NECAB2: variants seen among roughly 807,000 people sequenced by gnomAD.
The protein encoded by NECAB2 is N-terminal EF-hand calcium binding protein 2.
A neutral mutation model predicts 51.9 loss-of-function variants in NECAB2; 68 were observed. The observed-to-expected ratio is 1.31, with a 90% CI of 1.08 to 1.60. The LOEUF (loss-of-function observed/expected upper bound fraction) is 1.60, where lower values mean the gene tolerates loss of function less well. Ranked by LOEUF, NECAB2 falls within the 40% of genes most tolerant of loss-of-function variation. The pLI is 0.00. For missense variants in NECAB2, 854 were observed against 490.3 expected (o/e 1.74, Z -7.00); for synonymous variants, 329 against 203.5 (o/e 1.62, Z -5.25).
At chr16:83,990,464 C>A in intron 5 of NECAB2, 30 bp from the exon 6 acceptor site, 1 of 1,611,144 alleles carries the variant, frequency 6.2e-7, no homozygotes, top group Non-Finnish European at 8.5e-7. Flanking sequence ...CACCCCTTTC[C>A]CCTCAGTGCC....
chr16:83,965,260 C>G (rs201120754), upstream of NECAB2: 350 of 1,610,436 alleles, frequency 2.2e-4, no homozygotes, highest in Non-Finnish European at 2.8e-4. Flanking sequence ...TGACCAGGAA[C>G]CAGGCCCAGC....
rs557637259 is a variant in NECAB2 at position 84,002,725 on chromosome 16, G to T, written c.*379G>T. Reference sequence around the variant, plus strand: ...TCATGCCCCTGTAGTGCCCAACCTAGCCAGGTAGCCACCACTGTGCCCAGG... The same window carrying T: ...TCATGCCCCTGTAGTGCCCAACCTATCCAGGTAGCCACCACTGTGCCCAGG... On this transcript the variant is annotated 3_prime_UTR_variant, in exon 13 of 13. Transcript: ENST00000305202. 7.7e-5 allele frequency: 18 copies of T among 233,588 alleles called. No homozygotes were observed. The highest frequency in any genetic ancestry group is 4.6e-4 in the East Asian group (5 of 10,792). The allele number at this position is 233,588 out of a possible 1,614,324, so 14.5% of individuals were successfully genotyped here.
intron 6 of NECAB2, among the ~76,000 whole-genome samples, chr16:83,991,016 C>A (rs113610728): frequency 6.6e-6 from 1 of 152,078 alleles, no homozygotes; most frequent in Non-Finnish European, 1.5e-5. Flanking sequence ...CAAAAAGTGT[C>A]GCTCTGTCGC....
intron 5 of NECAB2, among the ~76,000 whole-genome samples, chr16:83,989,775 G>A (rs1402421051): frequency 2.0e-5 from 3 of 152,184 alleles, no homozygotes; most frequent in Admixed American, 6.5e-5. Flanking sequence ...CAGGACAGAG[G>A]TGGAAATTCT....
chr16:83,975,197 T>G (rs2084394929), intron 2 of NECAB2, among the ~76,000 whole-genome samples: 1 of 115,268 alleles, frequency 8.7e-6, no homozygotes, highest in African/African-American at 3.6e-5. Context: ...CAGGGAGGTG[T>G]TGGTGCGGGG....
intron 3 of NECAB2, 28 bp from the exon 4 acceptor site, chr16:83,980,811 C>T: frequency 1.9e-6 from 3 of 1,562,948 alleles, no homozygotes; most frequent in South Asian, 1.2e-5. Flanking sequence ...CTGTCTCTGT[C>T]TGTCTCTGCC....
At chr16:83,974,385 C>A (rs187139510) in intron 2 of NECAB2, among the ~76,000 whole-genome samples, 1 of 152,302 alleles carries the variant, frequency 6.6e-6, no homozygotes, top group East Asian at 1.9e-4. Flanking sequence ...CCTGGCTTCG[C>A]TCATTGAAGA....
intron 2 of NECAB2, among the ~76,000 whole-genome samples, chr16:83,974,627 G>T (rs901937948): frequency 2.6e-5 from 4 of 152,194 alleles, no homozygotes; most frequent in Non-Finnish European, 4.4e-5. Context: ...CCTCCTTCCA[G>T]ATGACGAAAA....
In NECAB2 at chr16:83,979,726, G is replaced by A. The variant is rs543024014; in HGVS notation, c.336-1113G>A. 5.3e-5 allele frequency among the ~76,000 whole-genome samples: 8 copies of A among 150,750 alleles called. No individual in the cohort carries two copies. In the East Asian group the frequency reaches 1.6e-3, roughly 30 times the overall value. ...GGGAGGAGGAGGCACTGGTTTGAGA[G>A]TCGAACTGTGAGAGTACGTGTGGGT... On this transcript the variant is annotated intron_variant, in intron 3 of 12. Transcript: ENST00000305202.
chr16:83,972,009 G>A (rs1306382952), intron 1 of NECAB2, 142 bp from the exon 2 acceptor site: 16 of 1,099,752 alleles, frequency 1.5e-5, no homozygotes, highest in African/African-American at 3.1e-5. Flanking sequence ...GCCCGGGGAG[G>A]GGGAGAGGGA....
intron 10 of NECAB2, among the ~76,000 whole-genome samples, chr16:83,998,556 C>G (rs1013332330): frequency 1.3e-5 from 2 of 152,110 alleles, no homozygotes; most frequent in African/African-American, 4.8e-5. Flanking sequence ...GGGGGACCAC[C>G]CCCAGGACTC....
upstream of NECAB2, among the ~76,000 whole-genome samples, chr16:83,967,038 G>A (rs1301210511): frequency 6.6e-6 from 1 of 152,030 alleles, no homozygotes; most frequent in African/African-American, 2.4e-5. Flanking sequence ...CGCCCAGCTA[G>A]TTATTGTATT....
intron 10 of NECAB2, among the ~76,000 whole-genome samples, chr16:83,998,993 G>C (rs28367388): frequency 0.26 from 39,808 of 152,126 alleles, 10,151 homozygotes; most frequent in African/African-American, 0.67. Context: ...CGTTTCTGCA[G>C]CAAGGCTCTG....
chr16:83,997,172 G>T (rs1236693925), intron 8 of NECAB2, 44 bp from the exon 9 acceptor site: 1 of 1,613,294 alleles, frequency 6.2e-7, no homozygotes, highest in African/African-American at 1.3e-5. Context: ...CCGGGGCGGA[G>T]TGGGGCTCTG....
At chr16:83,965,359 G>A, upstream of NECAB2, 2 of 1,571,966 alleles carry the variant, frequency 1.3e-6, no homozygotes, top group East Asian at 2.2e-5. Flanking sequence ...GGGAGGCCCT[G>A]CCCTTCATCC....
At chr16:83,968,003 C>T (rs2084306500), upstream of NECAB2, among the ~76,000 whole-genome samples, 1 of 146,170 alleles carries the variant, frequency 6.8e-6, no homozygotes. Flanking sequence ...GATGGATGGA[C>T]GGACAGGTGG....
At chr16:83,965,774 G>A (rs751178429), upstream of NECAB2, 46 of 1,612,914 alleles carry the variant, frequency 2.9e-5, no homozygotes, top group Non-Finnish European at 3.4e-5. Context: ...CTCCCACCCC[G>A]ACCTCTCCTT....
intron 2 of NECAB2, among the ~76,000 whole-genome samples, chr16:83,973,724 C>G (rs2084372887): frequency 6.6e-6 from 1 of 151,816 alleles, no homozygotes. Context: ...GGCCTGATAC[C>G]CAGCACACAG....
rs200097885 is a variant in NECAB2 at position 84,001,802 on chromosome 16, T to G, written c.1041-23T>G. On this transcript the variant is annotated intron_variant, in intron 11 of 12. Transcript: ENST00000305202. Reference sequence around the variant, plus strand: ...GAGCTCCACTCCTGCCACCCCTGACTCACACATGTCCCTGCGTCACAGGCA... The same window carrying G: ...GAGCTCCACTCCTGCCACCCCTGACGCACACATGTCCCTGCGTCACAGGCA... The G allele has an allele frequency of 2.5e-6, 4 of 1,613,310 alleles. No individual in the cohort carries two copies. In the South Asian group the frequency reaches 4.4e-5, roughly 18 times the overall value.
Sources: allele counts gnomAD v4.1 joint callset (sites outside exome capture counted in the v4.1 genomes callset), GRCh38; gene constraint gnomAD v4.1.1; transcripts MANE v1.5; gene names NCBI Gene and HGNC (gene_info 2026-07-23, HGNC 2026-07-21).